Variants in SPRR2G observed in about 807,000 individuals in gnomAD.
The protein encoded by SPRR2G is small proline-rich protein 2G.
A neutral mutation model predicts 0.7 loss-of-function variants in SPRR2G; 1 was observed. The ratio of observed to expected loss-of-function variants is 1.49; its 90% confidence interval spans 0.53 to 7.06. The LOEUF is 7.06. SPRR2G is among the 30% of genes most tolerant of loss of function. The pLI, the probability that SPRR2G is intolerant of heterozygous loss-of-function variation, is 0.14. For synonymous variants in SPRR2G, 38 were observed against 33.9 expected (o/e 1.12, Z -0.42); for missense variants, 96 against 88.5 (o/e 1.09, Z -0.34).
the SPRR2G span, among the ~76,000 whole-genome samples, chr1:153,183,061 T>A: frequency 6.6e-6 from 1 of 151,192 alleles, no homozygotes; most frequent in East Asian, 1.9e-4. Flanking sequence ...TTCCTGACTT[T>A]TTTTTTCTTT....
chr1:153,200,350 T>C, the SPRR2G span, among the ~76,000 whole-genome samples: 1 of 151,624 alleles, frequency 6.6e-6, no homozygotes, highest in Non-Finnish European at 1.5e-5. Context: ...AATGAGAGAA[T>C]GAGACAGAAA....
At chr1:153,162,123 C>T in the SPRR2G span, among the ~76,000 whole-genome samples, 1 of 151,880 alleles carries the variant, frequency 6.6e-6, no homozygotes, top group Non-Finnish European at 1.5e-5. Context: ...AGCCTAGTAC[C>T]CATTAGTTAT....
chr1:153,169,687 C>T, the SPRR2G span, among the ~76,000 whole-genome samples: 2 of 152,176 alleles, frequency 1.3e-5, no homozygotes, highest in Non-Finnish European at 2.9e-5. Context: ...TTCAGCCTTC[C>T]ATCATGTTAA....
the SPRR2G span, among the ~76,000 whole-genome samples, chr1:153,173,070 T>C: frequency 6.6e-6 from 1 of 152,248 alleles, no homozygotes; most frequent in African/African-American, 2.4e-5. Flanking sequence ...ACAGCACAGC[T>C]GGTTAATGTC....
chr1:153,181,110 C>T, the SPRR2G span, among the ~76,000 whole-genome samples: 2 of 151,920 alleles, frequency 1.3e-5, no homozygotes, highest in Non-Finnish European at 2.9e-5. Context: ...TTTTGATAAT[C>T]AGAAATTTTT....
chr1:153,160,489 C>T, the SPRR2G span, among the ~76,000 whole-genome samples: 1 of 152,204 alleles, frequency 6.6e-6, no homozygotes, highest in African/African-American at 2.4e-5. Context: ...TCCATAGTAG[C>T]TGCACCATTC....
the SPRR2G span, among the ~76,000 whole-genome samples, chr1:153,159,438 C>A: frequency 6.6e-6 from 1 of 152,192 alleles, no homozygotes; most frequent in African/African-American, 2.4e-5. Flanking sequence ...TGGTTAAAAC[C>A]GTTCAGCAAG....
the SPRR2G span, among the ~76,000 whole-genome samples, chr1:153,177,887 G>C: frequency 6.6e-6 from 1 of 151,536 alleles, no homozygotes. Context: ...AAGCCAGCTG[G>C]GATTTTTATT....
upstream of SPRR2G, among the ~76,000 whole-genome samples, chr1:153,154,323 T>C (rs1355570816): frequency 6.6e-6 from 1 of 152,132 alleles, no homozygotes; most frequent in East Asian, 1.9e-4. Context: ...AATTTTTTTA[T>C]AATGTTCTTA....
At chr1:153,171,924 C>T in the SPRR2G span, among the ~76,000 whole-genome samples, 2 of 152,294 alleles carry the variant, frequency 1.3e-5, no homozygotes, top group South Asian at 4.1e-4. Flanking sequence ...CCCGAATCCC[C>T]AGCCCTGTAC....
the SPRR2G span, among the ~76,000 whole-genome samples, chr1:153,181,704 T>A: frequency 6.6e-6 from 1 of 152,010 alleles, no homozygotes; most frequent in African/African-American, 2.4e-5. Flanking sequence ...CTATTTAACA[T>A]AATGACCTCC....
the SPRR2G span, among the ~76,000 whole-genome samples, chr1:153,201,119 G>A: frequency 1.3e-5 from 2 of 152,194 alleles, no homozygotes; most frequent in South Asian, 4.1e-4. Flanking sequence ...AGGCCCAGCA[G>A]CCTAAGAAGC....
At chr1:153,173,791 G>C in the SPRR2G span, among the ~76,000 whole-genome samples, 13 of 152,106 alleles carry the variant, frequency 8.5e-5, no homozygotes, top group Non-Finnish European at 1.8e-4. Flanking sequence ...CATGGGGTTG[G>C]AGGTGGCAAG....
At chr1:153,168,572 T>C in the SPRR2G span, among the ~76,000 whole-genome samples, 1 of 152,188 alleles carries the variant, frequency 6.6e-6, no homozygotes, top group African/African-American at 2.4e-5. Context: ...CTTGGGACAT[T>C]ACTAGATGCT....
the SPRR2G span, chr1:153,176,121 A>G: frequency 6.6e-6 from 1 of 152,176 alleles, no homozygotes; most frequent in Non-Finnish European, 1.5e-5. Flanking sequence ...AGAAATGAAG[A>G]CTTGGCCATG....
the SPRR2G span, among the ~76,000 whole-genome samples, chr1:153,188,160 T>C: frequency 0.021 from 3,224 of 152,234 alleles, 248 homozygotes; most frequent in Admixed American, 0.15. Flanking sequence ...GGGAGGTGTC[T>C]CCCAGTCAGG....
chr1:153,170,516 G>T, the SPRR2G span, among the ~76,000 whole-genome samples: 1 of 152,118 alleles, frequency 6.6e-6, no homozygotes, highest in African/African-American at 2.4e-5. Context: ...TTTATGAGTT[G>T]CAAAGAGCAG....
chr1:153,179,193 G>C, the SPRR2G span, among the ~76,000 whole-genome samples: 6 of 152,234 alleles, frequency 3.9e-5, no homozygotes, highest in Non-Finnish European at 8.8e-5. Context: ...CCTTTCAACT[G>C]ATTGAATCAG....
chr1:153,186,260 G>A, the SPRR2G span, among the ~76,000 whole-genome samples: 1 of 152,120 alleles, frequency 6.6e-6, no homozygotes. Flanking sequence ...TTCAAGTCCT[G>A]AATATCCTTG....
Sources: gnomAD v4.1 joint callset for allele counts (sites outside exome capture counted in the v4.1 genomes callset) on GRCh38, gnomAD v4.1.1 for gene constraint, MANE v1.5 for transcripts, NCBI Gene and HGNC (gene_info 2026-07-23, HGNC 2026-07-21) for gene names.